Variants in SAMD8 observed in about 807,000 individuals in gnomAD.
SAMD8 encodes sterile alpha motif domain containing 8.
A neutral mutation model predicts 42.0 loss-of-function variants in SAMD8; 20 were observed. The observed-to-expected ratio is 0.48, with a 90% confidence interval of 0.34 to 0.69. The LOEUF (loss-of-function observed/expected upper bound fraction) is 0.69. Ranked by LOEUF, SAMD8 falls within the 30% of genes least tolerant of loss-of-function variation. The probability of loss-of-function intolerance (pLI) is 0.01; values close to 1 mark genes in which losing one functional copy is unlikely to be tolerated. For synonymous variants in SAMD8, 162 were observed against 173.0 expected, an observed-to-expected ratio of 0.94 and a Z score of 0.50; for missense variants, 328 against 511.6, an observed-to-expected ratio of 0.64 and a Z score of 3.46.
intron 1 of SAMD8, among the ~76,000 whole-genome samples, chr10:75,126,191 C>T (rs915014643): frequency 1.3e-5 from 2 of 152,116 alleles, no homozygotes; most frequent in African/African-American, 4.8e-5. Flanking sequence ...TAACGCTTAG[C>T]TCAAAAGTCA....
At chr10:75,162,518 G>A (rs535680374) in intron 2 of SAMD8, among the ~76,000 whole-genome samples, 28 of 151,794 alleles carry the variant, frequency 1.8e-4, no homozygotes, top group African/African-American at 6.8e-4. Context: ...GCCTGGTGCT[G>A]CATGCCTGTA....
Position 75,151,030 on chromosome 10 carries a change from T to G in SAMD8, c.502T>G (p.Phe168Val), listed in dbSNP as rs775568796. 13 of 1,602,734 alleles carry G rather than the reference T, an allele frequency of 8.1e-6. No homozygotes were observed. The highest frequency in any genetic ancestry group is 1.1e-5 in the Non-Finnish European group (13 of 1,173,844). Residue 168 changes from phenylalanine (F) to valine (V), a missense_variant, in exon 2 of 6, where the codon TTC becomes GTC. By Grantham distance (50) the Phe-to-Val change is conservative. This residue lies in a region of SAMD8 where 178 missense variants were observed against 325.6 expected (regional missense o/e 0.55). Coordinates refer to ENST00000542569, the MANE Select transcript of SAMD8 (RefSeq NM_001174156.2). ...TTTTATAGTATTTGGATTTACATCT[T>G]TCATTATGGTTATAGTCCATGAGCG... is the stretch of plus-strand genomic sequence containing the variant. Reference protein sequence around the residue: ...YVFIVFGFTSFIMVIVHERVP... With the variant: ...YVFIVFGFTSVIMVIVHERVP...
At chr10:75,162,342 A>C (rs1840575883) in intron 2 of SAMD8, among the ~76,000 whole-genome samples, 1 of 143,836 alleles carries the variant, frequency 7.0e-6, no homozygotes, top group Non-Finnish European at 1.5e-5. Context: ...CTGGGCGACA[A>C]AGCGAGACTG....
At chr10:75,107,324 G>T (rs1848577896), upstream of SAMD8, among the ~76,000 whole-genome samples, 1 of 150,910 alleles carries the variant, frequency 6.6e-6, no homozygotes, top group Non-Finnish European at 1.5e-5. Context: ...TCCAGCTTGG[G>T]TAGCACTGAG....
intron 3 of SAMD8, among the ~76,000 whole-genome samples, chr10:75,167,786 T>G (rs1181201739): frequency 2.0e-5 from 3 of 151,716 alleles, no homozygotes; most frequent in African/African-American, 7.3e-5. Flanking sequence ...AGAGATGAGG[T>G]CTGGTTATGT....
intron 1 of SAMD8, among the ~76,000 whole-genome samples, chr10:75,124,526 T>A (rs958536720): frequency 6.6e-6 from 1 of 151,692 alleles, no homozygotes; most frequent in South Asian, 2.1e-4. Flanking sequence ...GGTGGGAGAA[T>A]TGCTTCAACC....
At chr10:75,105,850 C>G (rs1848463885) in intron 1 of SAMD8, 1 of 1,550,308 alleles carries the variant, frequency 6.5e-7, no homozygotes, top group South Asian at 1.2e-5. Context: ...GCCCACCACA[C>G]AGTGCACCAG....
intron 1 of SAMD8, among the ~76,000 whole-genome samples, chr10:75,103,142 G>T (rs1163989227): frequency 1.3e-5 from 2 of 152,218 alleles, no homozygotes; most frequent in Non-Finnish European, 2.9e-5. Flanking sequence ...GGGTATTATA[G>T]AAGAAGGGCA....
At chr10:75,117,699 A>C (rs1460553406) in intron 1 of SAMD8, among the ~76,000 whole-genome samples, 4 of 152,228 alleles carry the variant, frequency 2.6e-5, no homozygotes, top group Admixed American at 2.6e-4. Flanking sequence ...CCTGGGCTAC[A>C]AGAGTGAAAT....
intron 1 of SAMD8, among the ~76,000 whole-genome samples, chr10:75,132,183 A>G (rs1400882384): frequency 6.6e-6 from 1 of 152,188 alleles, no homozygotes; most frequent in Non-Finnish European, 1.5e-5. Context: ...GCTCTGTGGC[A>G]CTGATGTTAC....
intron 1 of SAMD8, chr10:75,103,944 G>A: frequency 7.6e-7 from 1 of 1,322,398 alleles, no homozygotes; most frequent in Non-Finnish European, 1.0e-6. Flanking sequence ...GCCAGGAGGA[G>A]CCAGATGGAG....
At chr10:75,127,113 T>C (rs1462213686) in intron 1 of SAMD8, among the ~76,000 whole-genome samples, 1 of 147,376 alleles carries the variant, frequency 6.8e-6, no homozygotes, top group Admixed American at 7.0e-5. Context: ...CGCTTGAACC[T>C]GGAAGGCAGA....
At chr10:75,159,066 T>C (rs931523869) in intron 2 of SAMD8, among the ~76,000 whole-genome samples, 11 of 148,920 alleles carry the variant, frequency 7.4e-5, no homozygotes, top group East Asian at 3.9e-4. Flanking sequence ...TCTTTTTCTT[T>C]TTTTTTTTTT....
At chr10:75,099,689 T>G in exon 1 of SAMD8, 1 of 483,342 alleles carries the variant, frequency 2.1e-6, no homozygotes, top group Non-Finnish European at 3.1e-6. Context: ...AGACCGTTGG[T>G]TCCATAAACC....
intron 1 of SAMD8, among the ~76,000 whole-genome samples, chr10:75,128,433 A>C (rs565961122): frequency 6.6e-6 from 1 of 152,102 alleles, no homozygotes; most frequent in African/African-American, 2.4e-5. Flanking sequence ...GCTGGTCTTG[A>C]ACTTCTTCGC....
intron 1 of SAMD8, 32 bp from the exon 2 acceptor site, chr10:75,150,482 T>A (rs2134481394): frequency 6.4e-7 from 1 of 1,560,542 alleles, no homozygotes; most frequent in East Asian, 2.2e-5. Flanking sequence ...ATACTGAAGC[T>A]TTTGTTTTGT....
intron 1 of SAMD8, among the ~76,000 whole-genome samples, chr10:75,137,139 T>G (rs886565657): frequency 1.3e-5 from 2 of 152,206 alleles, no homozygotes; most frequent in Non-Finnish European, 2.9e-5. Flanking sequence ...CAAAGCAGTA[T>G]TATTCACAAT....
chr10:75,148,987 A>G (rs958077742), intron 1 of SAMD8, among the ~76,000 whole-genome samples: 5 of 152,234 alleles, frequency 3.3e-5, no homozygotes, highest in African/African-American at 1.2e-4. Flanking sequence ...GAACATTTGT[A>G]TTAGAACAGT....
At chr10:75,158,621 A>T (rs1236259810) in intron 2 of SAMD8, among the ~76,000 whole-genome samples, 3 of 152,064 alleles carry the variant, frequency 2.0e-5, no homozygotes, top group Non-Finnish European at 4.4e-5. Context: ...TATACAATTC[A>T]GTGGGTTTTA....
Sources: gnomAD v4.1 joint callset for allele counts (sites outside exome capture counted in the v4.1 genomes callset) on GRCh38, gnomAD v4.1.1 for gene constraint, gnomAD v4.1.1 regional missense constraint, MANE v1.5 for transcripts, NCBI Gene and HGNC (gene_info 2026-07-23, HGNC 2026-07-21) for gene names.